Variants in MACROD2 observed in about 807,000 individuals in gnomAD.
MACROD2 encodes ADP-ribose glycohydrolase MACROD2.
In MACROD2, 36 loss-of-function variants were observed where a neutral mutation model predicts 70.4. The ratio of observed to expected loss-of-function variants is 0.51; its 90% CI spans 0.39 to 0.68. The LOEUF (loss-of-function observed/expected upper bound fraction) is 0.68, where lower values mean the gene tolerates loss of function less well. Ranked by LOEUF, MACROD2 falls within the 30% of genes least tolerant of loss-of-function variation. The pLI is 0.00. For synonymous variants in MACROD2, 172 were observed against 178.8 expected (o/e 0.96, Z 0.30); for missense variants, 496 against 538.4 (o/e 0.92, Z 0.78).
intron 5 of MACROD2, among the ~76,000 whole-genome samples, chr20:15,205,127 G>A (rs1343891612): frequency 2.0e-5 from 3 of 152,118 alleles, no homozygotes; most frequent in African/African-American, 7.2e-5. Flanking sequence ...TATGAATAAA[G>A]TTTCAGTGTG....
chr20:14,213,568 T>C lies in MACROD2; in HGVS notation c.271+127840T>C, dbSNP rs560968510. 9.7e-4 allele frequency among the ~76,000 whole-genome samples: 147 copies of C among 151,934 alleles called. 4 individuals are homozygous for C. The South Asian group carries it at 0.03, about 31-fold the overall frequency. On this transcript the variant is annotated intron_variant, in intron 3 of 17. Transcript: ENST00000684519. ...AACCTTGTTGAACCAAATAGTTCTG[T>C]GAGAGTTGGCAAATCTTACCGGGAT...
intron 3 of MACROD2, among the ~76,000 whole-genome samples, chr20:14,133,040 C>T (rs1295743689): frequency 6.6e-6 from 1 of 152,154 alleles, no homozygotes; most frequent in African/African-American, 2.4e-5. Context: ...CTCACATGAT[C>T]ACATGATTAT....
chr20:14,596,225 A>T (rs900926253), intron 4 of MACROD2, among the ~76,000 whole-genome samples: 7 of 121,762 alleles, frequency 5.7e-5, no homozygotes, highest in Non-Finnish European at 1.1e-4. Context: ...AGCTGGGACT[A>T]CATACAGGCG....
chr20:14,511,128 A>T (rs913839230), intron 4 of MACROD2, among the ~76,000 whole-genome samples: 8 of 152,124 alleles, frequency 5.3e-5, no homozygotes, highest in African/African-American at 1.9e-4. Flanking sequence ...GCTTTTTCTT[A>T]GAGCTGATGC....
chr20:15,642,911 A>C (rs886112016), intron 8 of MACROD2, among the ~76,000 whole-genome samples: 5 of 152,072 alleles, frequency 3.3e-5, no homozygotes, highest in African/African-American at 4.8e-5. Context: ...ATGCCAACTC[A>C]CTGCCTCAGG....
intron 5 of MACROD2, among the ~76,000 whole-genome samples, chr20:15,016,835 G>A (rs2075125486): frequency 6.6e-6 from 1 of 152,128 alleles, no homozygotes; most frequent in Non-Finnish European, 1.5e-5. Context: ...ATCAGGTCTT[G>A]TGAGACATAT....
chr20:15,772,358 T>C (rs77869698), intron 8 of MACROD2, among the ~76,000 whole-genome samples: 3,939 of 151,888 alleles, frequency 0.026, 184 homozygotes, highest in African/African-American at 0.09. Context: ...ATTTTGTAGA[T>C]GAGAAAACTG....
At chr20:15,365,142 T>A (rs1600298936) in intron 6 of MACROD2, among the ~76,000 whole-genome samples, 1 of 152,292 alleles carries the variant, frequency 6.6e-6, no homozygotes. Context: ...TGGAAAAATG[T>A]TCTGTACTTT....
At position 15,647,439 on chromosome 20, in the gene MACROD2, A is replaced by T. The variant is rs533778440; in HGVS notation, c.645+147592A>T. On this transcript the variant is annotated intron_variant, in intron 8 of 17. Coordinates refer to ENST00000684519, the MANE Select transcript of MACROD2 (RefSeq NM_001351661.2). The stretch of plus-strand genomic sequence containing the variant: ...CATAGAGTTAGCAAAGGGCTGAAGG[A>T]TCTGCCATGCTAAGGAGTCAGCAAT... 4.6e-5 allele frequency among the ~76,000 whole-genome samples: 7 copies of T among 152,322 alleles called. No individual in the cohort carries two copies. In the East Asian group the frequency reaches 1.3e-3, roughly 29 times the overall value.
intron 3 of MACROD2, chr20:14,337,487 C>T: frequency 2.5e-6 from 1 of 398,222 alleles, no homozygotes; most frequent in Non-Finnish European, 4.4e-6. Flanking sequence ...AATAGCCCTC[C>T]CCCGTCTCCC....
intron 3 of MACROD2, among the ~76,000 whole-genome samples, chr20:14,194,496 T>C (rs574149228): frequency 1.3e-5 from 2 of 152,138 alleles, no homozygotes; most frequent in African/African-American, 2.4e-5. Flanking sequence ...GACAAATTCA[T>C]AAGTGACACT....
intron 6 of MACROD2, among the ~76,000 whole-genome samples, chr20:15,373,383 T>C (rs1447830010): frequency 1.3e-5 from 2 of 152,120 alleles, no homozygotes; most frequent in Non-Finnish European, 2.9e-5. Flanking sequence ...AGGTGAATTA[T>C]AGAATTATTT....
chr20:15,595,743 A>T (rs1182398125), intron 8 of MACROD2, among the ~76,000 whole-genome samples: 1 of 152,224 alleles, frequency 6.6e-6, no homozygotes, highest in African/African-American at 2.4e-5. Context: ...GAGAAAATAC[A>T]CTAAAATGTA....
At chr20:14,531,364 C>G (rs775338414) in intron 4 of MACROD2, among the ~76,000 whole-genome samples, 4 of 152,074 alleles carry the variant, frequency 2.6e-5, no homozygotes, top group African/African-American at 9.7e-5. Flanking sequence ...GACACAGTAT[C>G]CCAGAGGACA....
intron 5 of MACROD2, among the ~76,000 whole-genome samples, chr20:14,972,976 T>C (rs1050257223): frequency 5.3e-5 from 8 of 152,230 alleles, no homozygotes; most frequent in Non-Finnish European, 8.8e-5. Context: ...AATTAAGTGA[T>C]ACTTTTACAC....
At chr20:15,182,620 G>T (rs2076508249) in intron 5 of MACROD2, among the ~76,000 whole-genome samples, 1 of 152,108 alleles carries the variant, frequency 6.6e-6, no homozygotes, top group Non-Finnish European at 1.5e-5. Context: ...TAACTTAGAG[G>T]CATGCAGGTG....
At chr20:14,242,385 T>A (rs1481512835) in intron 3 of MACROD2, among the ~76,000 whole-genome samples, 2 of 152,168 alleles carry the variant, frequency 1.3e-5, no homozygotes, top group Non-Finnish European at 2.9e-5. Flanking sequence ...AAAATGCATA[T>A]GACCTTGCAT....
At chr20:15,406,240 A>T (rs527919360) in intron 6 of MACROD2, among the ~76,000 whole-genome samples, 1 of 152,308 alleles carries the variant, frequency 6.6e-6, no homozygotes, top group South Asian at 2.1e-4. Context: ...TGACTAAATG[A>T]TTACCGTGCT....
At chr20:14,467,413 G>A (rs1481346613) in intron 3 of MACROD2, among the ~76,000 whole-genome samples, 3 of 152,056 alleles carry the variant, frequency 2.0e-5, no homozygotes, top group Non-Finnish European at 1.5e-5. Flanking sequence ...GGAGTGATCC[G>A]ATTTTCCAGG....
Sources: allele counts gnomAD v4.1 joint callset (sites outside exome capture counted in the v4.1 genomes callset), GRCh38; gene constraint gnomAD v4.1.1; transcripts MANE v1.5; gene names NCBI Gene and HGNC (gene_info 2026-07-23, HGNC 2026-07-21).